ESYT3: variants seen among roughly 807,000 people sequenced by gnomAD.
The protein encoded by ESYT3 is extended synaptotagmin 3.
Under a neutral mutation model 111.5 loss-of-function variants are expected in ESYT3, and 101 were observed. The ratio of observed to expected loss-of-function variants is 0.91; its 90% confidence interval spans 0.77 to 1.07. ESYT3 has a LOEUF of 1.07. Ranked by LOEUF, ESYT3 falls within the 50% of genes least tolerant of loss-of-function variation. The probability of loss-of-function intolerance (pLI) is 0.00; values close to 1 mark genes in which losing one functional copy is unlikely to be tolerated. For missense variants in ESYT3, 1,097 were observed against 1,109.4 expected, an observed-to-expected ratio of 0.99 and a Z score of 0.16; for synonymous variants, 416 against 446.8, an observed-to-expected ratio of 0.93 and a Z score of 0.87.
chr3:138,448,373 C>T (rs981236588), intron 1 of ESYT3, among the ~76,000 whole-genome samples: 6 of 151,386 alleles, frequency 4.0e-5, no homozygotes, highest in African/African-American at 7.3e-5. Context: ...TGGAACAGGC[C>T]GACTTATGGA....
chr3:138,458,458 C>T (rs770216592), intron 4 of ESYT3, among the ~76,000 whole-genome samples: 5 of 152,230 alleles, frequency 3.3e-5, no homozygotes, highest in Admixed American at 2.0e-4. Flanking sequence ...TCCCCATCTT[C>T]CCCGTCTGGC....
At position 138,472,369 on chromosome 3, in the gene ESYT3, C is replaced by G; in HGVS notation, c.1747C>G (p.Gln583Glu). The change falls in exon 18 of 23, where the codon CAA becomes GAA. Residue 583 changes from glutamine to glutamate, a missense_variant. Gln to Glu is a conservative substitution (Grantham distance 29, BLOSUM62 2). Transcript: ENST00000389567. The part of the protein sequence containing the change: ...ISMRLVLRFL[Q>E]VEERELGSPY... ...CCCTCTTATCTGCTTGCAGTTCCTGCAAGTGGAGGAACGAGAGCTGGGGAG... is the reference window on the plus strand; with the variant it reads ...CCCTCTTATCTGCTTGCAGTTCCTGGAAGTGGAGGAACGAGAGCTGGGGAG... The G allele has an allele frequency of 6.2e-7, 1 of 1,613,048 alleles. No homozygotes were observed. Among genetic ancestry groups the G allele is most frequent in the Non-Finnish European group, 8.5e-7 (1 of 1,179,592 alleles).
At position 138,472,862 on chromosome 3, in the gene ESYT3, A is replaced by G. The variant is rs1193294313; in HGVS notation, c.2237+3A>G. ...GCAGATATCAGCCTCAACATTGAGT[A>G]TGCACCTCTCTGCTTAATCTTTTCT... On this transcript the variant is annotated splice_donor_region_variant and intron_variant, in intron 18 of 22. Coordinates refer to ENST00000389567, the MANE Select transcript of ESYT3 (RefSeq NM_031913.5). The G allele has an allele frequency of 4.3e-6, 7 of 1,612,036 alleles. No individual in the cohort carries two copies. The highest frequency in any genetic ancestry group is 3.3e-4 in the Middle Eastern group (2 of 6,058).
At position 138,434,648 on chromosome 3, in the gene ESYT3, A is replaced by C; in HGVS notation, c.-151A>C. The C allele has an allele frequency of 1.4e-6, 1 of 692,188 alleles. No homozygotes were observed. The highest frequency in any genetic ancestry group is 2.3e-6 in the Non-Finnish European group (1 of 436,868). 42.9% of individuals were successfully genotyped at this position (692,188 alleles called of 1,614,324 possible). A position where few individuals can be genotyped will look rare whatever the true frequency, so the allele number is the denominator to read the frequency against. Reference sequence around the variant, plus strand: ...CAGGCGCTGCTCTCCGTCGCAGAGAACCCTGAGCTCGGCGCGCCGAGAGTC... The same window carrying C: ...CAGGCGCTGCTCTCCGTCGCAGAGACCCCTGAGCTCGGCGCGCCGAGAGTC... On this transcript the variant is annotated 5_prime_UTR_variant, in exon 1 of 23. Coordinates refer to ENST00000389567, the MANE Select transcript of ESYT3 (RefSeq NM_031913.5).
intron 20 of ESYT3, 33 bp downstream of exon 20, chr3:138,474,385 C>T (rs1161137669): frequency 1.3e-6 from 2 of 1,549,724 alleles, no homozygotes; most frequent in South Asian, 2.5e-5. Flanking sequence ...TAGAGTGCCT[C>T]ACCCATTCAA....
At chr3:138,460,140 C>T (rs1272495660) in intron 6 of ESYT3, 106 bp downstream of exon 6, 5 of 939,340 alleles carry the variant, frequency 5.3e-6, no homozygotes, top group Non-Finnish European at 8.3e-6. Flanking sequence ...TTGTCCCAGC[C>T]CACTGAGACC....
Position 138,455,274 on chromosome 3 carries a change from G to T in ESYT3, c.450G>T (p.Glu150Asp), listed in dbSNP as rs753204515. The change falls in exon 3 of 23, where the codon GAG (glutamate) becomes GAT (aspartate). Residue 150 changes from glutamate to aspartate, a missense_variant. Transcript: ENST00000389567. ...FREKLEPKIR[E>D]KSIHLRTFTF... ...AGAAACTTGAGCCCAAGATCCGAGAGAAGAGCATCCACCTGAGGACCTTTA... is the reference window on the plus strand; with the variant it reads ...AGAAACTTGAGCCCAAGATCCGAGATAAGAGCATCCACCTGAGGACCTTTA... The T allele has an allele frequency of 6.2e-7, 1 of 1,614,170 alleles. No homozygotes were observed. The highest frequency in any genetic ancestry group is 1.1e-5 in the South Asian group (1 of 91,074).
At chr3:138,454,838 C>CT (rs1173587335) in intron 2 of ESYT3, among the ~76,000 whole-genome samples, 1 of 152,322 alleles carries the variant, frequency 6.6e-6, no homozygotes, top group African/African-American at 2.4e-5. Flanking sequence ...GCATCTGCTA[C>CT]TTTTTGTTTA....
intron 1 of ESYT3, among the ~76,000 whole-genome samples, chr3:138,441,561 C>A (rs2031154476): frequency 6.6e-6 from 1 of 152,110 alleles, no homozygotes; most frequent in Admixed American, 6.5e-5. Flanking sequence ...CCCCTGAAGA[C>A]CTGGGAGGGC....
At chr3:138,481,054 TTACTC>T (rs547543412), downstream of ESYT3, 5 of 152,316 alleles carry the variant, frequency 3.3e-5, no homozygotes, top group South Asian at 1.0e-3. Flanking sequence ...AAATGGTCCT[TTACTC>T]ATATCACATT....
At position 138,472,295 on chromosome 3, in the gene ESYT3, G is replaced by A. The variant is rs746642144; in HGVS notation, c.1741-68G>A. The A allele has an allele frequency of 2.3e-5, 35 of 1,554,464 alleles. No homozygotes were observed. The Admixed American group carries it at 3.8e-4, about 17-fold the overall frequency. ...TCACAACTGAGGGGAAAGGGGGAAC[G>A]GGAAACAATGGCTGAGGTTGTGGAA... On this transcript the variant is annotated intron_variant, in intron 17 of 22. Transcript: ENST00000389567.
intron 9 of ESYT3, among the ~76,000 whole-genome samples, chr3:138,465,098 C>T (rs1226911757): frequency 6.6e-6 from 1 of 152,224 alleles, no homozygotes; most frequent in Non-Finnish European, 1.5e-5. Flanking sequence ...CCGCATGGCC[C>T]ATGCAGAACA....
intron 1 of ESYT3, among the ~76,000 whole-genome samples, chr3:138,437,378 G>T (rs570975134): frequency 6.6e-6 from 1 of 152,322 alleles, no homozygotes; most frequent in East Asian, 1.9e-4. Context: ...CTGCAGACTC[G>T]CCTGGCTGGC....
chr3:138,468,023 G>C (rs1290788108), intron 11 of ESYT3, 82 bp from the exon 12 acceptor site: 1 of 1,280,038 alleles, frequency 7.8e-7, no homozygotes, highest in Non-Finnish European at 1.1e-6. Context: ...TAGGATGCCA[G>C]GTCTCAGGAC....
rs1486904139 is a variant in ESYT3 at position 138,477,871 on chromosome 3, TCTCTGC to T, written c.*1026_*1031del. On this transcript the variant is annotated 3_prime_UTR_variant, in exon 23 of 23. Coordinates refer to ENST00000389567, the MANE Select transcript of ESYT3 (RefSeq NM_031913.5). ...AACACTACCTGCCGTCAGTTTTCTG[TCTCTGC>T]CTCTGCCTTCACTGCCACTTTTCTG... The T allele has an allele frequency of 6.6e-6, 1 of 152,206 alleles. No homozygotes were observed. Among genetic ancestry groups the T allele is most frequent in the Non-Finnish European group, 1.5e-5 (1 of 68,040 alleles). The allele number at this position is 152,206 out of a possible 1,614,324, so 9.4% of individuals were successfully genotyped here. A position where few individuals can be genotyped will look rare whatever the true frequency, so the allele number is the denominator to read the frequency against.
Position 138,468,178 on chromosome 3 carries a change from A to G in ESYT3, c.1292A>G (p.Gln431Arg). Residue 431 changes from glutamine (Q) to arginine (R), a missense_variant, in exon 12 of 23, where the codon CAA becomes CGA. Physicochemically the swap from Gln to Arg is conservative, Grantham distance 43 (BLOSUM62 1). Transcript: ENST00000389567. ...GAGTGGCTTTCATTGCTTACTGACC[A>G]AGAAGTTCTGACTGAGGTGAGTGTG... ...RLEWLSLLTDQEVLTEDHGGL... is the reference protein window; with the variant it reads ...RLEWLSLLTDREVLTEDHGGL... The G allele has an allele frequency of 6.2e-7, 1 of 1,614,106 alleles. No individual in the cohort carries two copies. Among genetic ancestry groups the G allele is most frequent in the East Asian group, 2.2e-5 (1 of 44,878 alleles).
Position 138,440,448 on chromosome 3 carries a change from G to A in ESYT3, c.327+5323G>A, listed in dbSNP as rs1037277911. Among the ~76,000 whole-genome samples, 1 of 152,206 alleles carries A rather than the reference G, an allele frequency of 6.6e-6. No homozygotes were observed. The highest frequency in any genetic ancestry group is 1.5e-5 in the Non-Finnish European group (1 of 68,044). ...TCCTGAGATACTTCAGTTAATTAGA[G>A]GAAGTAAATGCAGTGACAGCTCTGA... On this transcript the variant is annotated intron_variant, in intron 1 of 22. Transcript: ENST00000389567. This position sits in a 1 kb window ranked among gnomAD's most constrained non-coding sequence, Gnocchi z 4.2.
chr3:138,459,162 C>T, intron 4 of ESYT3, 25 bp from the exon 5 acceptor site: 1 of 1,486,062 alleles, frequency 6.7e-7, no homozygotes, highest in African/African-American at 1.4e-5. Context: ...TCCTCCCCAC[C>T]TTCCTTTTCC....
chr3:138,443,046 T>C (rs868605549), intron 1 of ESYT3, among the ~76,000 whole-genome samples: 6 of 152,164 alleles, frequency 3.9e-5, no homozygotes, highest in Admixed American at 1.3e-4. Context: ...AAAACTACTC[T>C]GTGGACAGCT....
Sources: gnomAD v4.1 joint callset for allele counts (sites outside exome capture counted in the v4.1 genomes callset) on GRCh38, gnomAD v4.1.1 for gene constraint, Gnocchi (gnomAD v3.1) non-coding constraint, MANE v1.5 for transcripts, NCBI Gene and HGNC (gene_info 2026-07-23, HGNC 2026-07-21) for gene names.